DIAPH3: variants seen among roughly 807,000 people sequenced by gnomAD.
The protein encoded by DIAPH3 is diaphanous related formin 3, also known as protein diaphanous homolog 3.
DIAPH3 carries 117 observed loss-of-function variants against 144.3 expected under a neutral mutation model. The observed-to-expected ratio is 0.81, with a 90% CI of 0.70 to 0.95. The LOEUF (loss-of-function observed/expected upper bound fraction) is 0.95. Among genes scored for constraint, DIAPH3 ranks in the 40% least tolerant of loss-of-function variants. The probability of loss-of-function intolerance (pLI) is 0.00; values close to 1 mark genes in which losing one functional copy is unlikely to be tolerated. For synonymous variants in DIAPH3, 519 were observed against 488.9 expected (o/e 1.06, Z -0.81); for missense variants, 1,421 against 1,412.7 (o/e 1.01, Z -0.09).
chr13:59,707,155 G>C (rs533123248), intron 27 of DIAPH3, among the ~76,000 whole-genome samples: 1 of 152,120 alleles, frequency 6.6e-6, no homozygotes, highest in African/African-American at 2.4e-5. Flanking sequence ...AGCTAAATGC[G>C]TTTCTACTAA....
intron 17 of DIAPH3, among the ~76,000 whole-genome samples, chr13:59,964,700 AC>A (rs1229143633): frequency 1.3e-5 from 2 of 152,110 alleles, no homozygotes; most frequent in Non-Finnish European, 2.9e-5. Flanking sequence ...ATATACTATA[AC>A]TGGTAACAAT....
rs1366284821 is a variant in DIAPH3, at chr13:59,802,798, C to T, written c.3163+7990G>A. Among the ~76,000 whole-genome samples the T allele has an allele frequency of 8.4e-4, 123 of 146,904 alleles. 1 individual carries two copies. The Admixed American group carries it at 8.4e-3, about 10-fold the overall frequency. ...GCGGGTTCACGCCATTCTCCTGCCT[C>T]AGCCTCCCGAGTAGCTGGGACTACA... On this transcript the variant is annotated intron_variant, in intron 25 of 27. Transcript: ENST00000400324.
intron 3 of DIAPH3, among the ~76,000 whole-genome samples, chr13:60,098,187 A>C (rs2137949976): frequency 6.6e-6 from 1 of 152,248 alleles, no homozygotes; most frequent in South Asian, 2.1e-4. Context: ...TTAAAAGCAG[A>C]GCCTGAAACA....
chr13:59,883,384 G>GT (rs935909168), intron 20 of DIAPH3, among the ~76,000 whole-genome samples: 1 of 151,970 alleles, frequency 6.6e-6, no homozygotes, highest in African/African-American at 2.4e-5. Flanking sequence ...GTTGTCAGAT[G>GT]TTTTTTTCCC....
At chr13:59,849,958 T>A (rs1271331195) in intron 22 of DIAPH3, among the ~76,000 whole-genome samples, 10 of 146,198 alleles carry the variant, frequency 6.8e-5, no homozygotes, top group African/African-American at 2.5e-4. Flanking sequence ...GAGCATGGAA[T>A]GTTCTTCCAT....
chr13:59,720,260 T>C (rs1364814187), intron 27 of DIAPH3, among the ~76,000 whole-genome samples: 1 of 152,110 alleles, frequency 6.6e-6, no homozygotes, highest in African/African-American at 2.4e-5. Context: ...CACCACTGTA[T>C]ATTGGGTCTG....
intron 27 of DIAPH3, among the ~76,000 whole-genome samples, chr13:59,771,641 T>C (rs775314303): frequency 3.3e-5 from 5 of 152,118 alleles, no homozygotes; most frequent in Non-Finnish European, 7.4e-5. Flanking sequence ...CAAGCAGTTA[T>C]ATTAAGAGTA....
chr13:59,874,319 T>C (rs1216539422), intron 21 of DIAPH3, among the ~76,000 whole-genome samples: 2 of 152,210 alleles, frequency 1.3e-5, no homozygotes, highest in Non-Finnish European at 2.9e-5. Context: ...TTTTGGAAAG[T>C]GTCTCATTAG....
At chr13:59,736,452 A>AT (rs568249447) in intron 27 of DIAPH3, among the ~76,000 whole-genome samples, 8 of 152,062 alleles carry the variant, frequency 5.3e-5, no homozygotes, top group Non-Finnish European at 1.0e-4. Flanking sequence ...AGGATCTGTT[A>AT]TTTTTTTGGC....
intron 17 of DIAPH3, among the ~76,000 whole-genome samples, chr13:59,962,760 G>A (rs1440031384): frequency 6.6e-6 from 1 of 151,702 alleles, no homozygotes; most frequent in Admixed American, 6.6e-5. Context: ...CTGCTTCCAG[G>A]TGGAAGCAAT....
intron 22 of DIAPH3, among the ~76,000 whole-genome samples, chr13:59,859,672 A>T (rs1566426336): frequency 6.6e-6 from 1 of 151,322 alleles, no homozygotes; most frequent in Admixed American, 6.6e-5. Context: ...CTCATTTCCA[A>T]TTTTTTTTTA....
chr13:59,998,054 T>C (rs1203005005), intron 9 of DIAPH3, among the ~76,000 whole-genome samples: 2 of 152,146 alleles, frequency 1.3e-5, no homozygotes, highest in African/African-American at 4.8e-5. Context: ...TTCACATTTA[T>C]CAAGTTAAAA....
intron 1 of DIAPH3, among the ~76,000 whole-genome samples, chr13:60,145,381 G>A (rs1951458064): frequency 6.6e-6 from 1 of 152,254 alleles, no homozygotes; most frequent in African/African-American, 2.4e-5. Context: ...ACCAGGCGCA[G>A]TGGCTCACGC....
At chr13:59,742,280 T>C (rs1018963360) in intron 27 of DIAPH3, among the ~76,000 whole-genome samples, 3 of 152,228 alleles carry the variant, frequency 2.0e-5, no homozygotes, top group Non-Finnish European at 4.4e-5. Context: ...TTATTTAATG[T>C]AAGTTTTACA....
intron 17 of DIAPH3, among the ~76,000 whole-genome samples, chr13:59,952,007 C>T (rs920107154): frequency 2.0e-5 from 3 of 152,156 alleles, no homozygotes; most frequent in African/African-American, 7.2e-5. Context: ...CAGAATCACC[C>T]TAAATATCCA....
chr13:59,700,043 G>C (rs527800090), intron 27 of DIAPH3, among the ~76,000 whole-genome samples: 19 of 152,216 alleles, frequency 1.2e-4, no homozygotes, highest in Admixed American at 1.3e-4. Flanking sequence ...TCTCCTTCTT[G>C]TTCAAATTCC....
intron 27 of DIAPH3, among the ~76,000 whole-genome samples, chr13:59,734,172 G>C (rs1037700425): frequency 2.0e-5 from 3 of 152,004 alleles, no homozygotes; most frequent in African/African-American, 7.2e-5. Context: ...GTAGATATTT[G>C]GTTCTTATTA....
intron 22 of DIAPH3, among the ~76,000 whole-genome samples, chr13:59,851,944 C>T (rs975472533): frequency 2.6e-5 from 4 of 152,004 alleles, no homozygotes; most frequent in South Asian, 2.1e-4. Flanking sequence ...TTTAAACTAA[C>T]TTTATTTTTT....
intron 17 of DIAPH3, among the ~76,000 whole-genome samples, chr13:59,962,455 T>C (rs1317203251): frequency 6.6e-6 from 1 of 152,216 alleles, no homozygotes; most frequent in Non-Finnish European, 1.5e-5. Flanking sequence ...GGAGTGCATT[T>C]AGCTGACAGG....
Sources: allele counts gnomAD v4.1 joint callset (sites outside exome capture counted in the v4.1 genomes callset), GRCh38; gene constraint gnomAD v4.1.1; transcripts MANE v1.5; gene names NCBI Gene and HGNC (gene_info 2026-07-23, HGNC 2026-07-21).